Variants in CCDC12 observed in about 807,000 individuals in gnomAD.
CCDC12 encodes the protein coiled-coil domain containing 12.
A neutral mutation model predicts 25.7 loss-of-function variants in CCDC12; 28 were observed. That is an observed-to-expected ratio of 1.09 (90% CI 0.81 to 1.50). The LOEUF (loss-of-function observed/expected upper bound fraction) is 1.50. Among genes scored for constraint, CCDC12 ranks in the 40% most tolerant of loss-of-function variants. The pLI, the probability that CCDC12 is intolerant of heterozygous loss-of-function variation, is 0.00. For missense variants in CCDC12, 198 were observed against 210.0 expected, an observed-to-expected ratio of 0.94 and a Z score of 0.35; for synonymous variants, 75 against 87.7, an observed-to-expected ratio of 0.86 and a Z score of 0.81.
intron 1 of CCDC12, among the ~76,000 whole-genome samples, chr3:46,963,615 C>T (rs1431279522): frequency 6.6e-6 from 1 of 152,274 alleles, no homozygotes; most frequent in Admixed American, 6.5e-5. Context: ...GCCGCCACAC[C>T]TGACTGGTTT....
At chr3:46,941,272 A>C (rs4682843) in intron 1 of CCDC12, among the ~76,000 whole-genome samples, 2 of 152,158 alleles carry the variant, frequency 1.3e-5, no homozygotes, top group African/African-American at 4.8e-5. Flanking sequence ...TTAAAAATCC[A>C]TAACTCTTGG....
intron 1 of CCDC12, among the ~76,000 whole-genome samples, chr3:46,964,350 G>A (rs1404235567): frequency 9.5e-5 from 14 of 147,176 alleles, no homozygotes; most frequent in African/African-American, 2.5e-4. Context: ...GCCCCCGCCC[G>A]GCCAGCCGCC....
At chr3:46,963,700 C>T (rs371295081) in intron 1 of CCDC12, among the ~76,000 whole-genome samples, 213 of 145,434 alleles carry the variant, frequency 1.5e-3, no homozygotes, top group African/African-American at 5.1e-3. Context: ...GCGAGTGATC[C>T]GCCAGCCTCG....
At chr3:46,949,364 G>A (rs1227565868) in intron 1 of CCDC12, among the ~76,000 whole-genome samples, 1 of 152,118 alleles carries the variant, frequency 6.6e-6, no homozygotes, top group African/African-American at 2.4e-5. Flanking sequence ...ACCCACACTG[G>A]CCCCAGCAGG....
chr3:46,964,711 G>C (rs2034588320), intron 1 of CCDC12, among the ~76,000 whole-genome samples: 1 of 152,034 alleles, frequency 6.6e-6, no homozygotes. Flanking sequence ...ATGGATTAAG[G>C]GCGGTGCAAG....
intron 1 of CCDC12, among the ~76,000 whole-genome samples, chr3:46,970,818 T>G: frequency 9.0e-6 from 1 of 111,404 alleles, no homozygotes; most frequent in East Asian, 2.8e-4. Context: ...CGGACAGCAC[T>G]GTAAAGAGAT....
chr3:46,966,995 G>A (rs1291979767), intron 1 of CCDC12, among the ~76,000 whole-genome samples: 1 of 152,092 alleles, frequency 6.6e-6, no homozygotes, highest in African/African-American at 2.4e-5. Context: ...TCAGGGCACA[G>A]AATGATCTCC....
chr3:46,963,486 C>T (rs1171990686), intron 1 of CCDC12, among the ~76,000 whole-genome samples: 3 of 152,306 alleles, frequency 2.0e-5, no homozygotes, highest in South Asian at 2.1e-4. Context: ...TCTCTTTCCA[C>T]GGTCTCCCTC....
upstream of CCDC12, among the ~76,000 whole-genome samples, chr3:46,977,429 T>C (rs2035030497): frequency 7.0e-6 from 1 of 143,284 alleles, no homozygotes; most frequent in Non-Finnish European, 1.5e-5. Context: ...GCCGAGATCG[T>C]GCCACTGCAC....
intron 1 of CCDC12, among the ~76,000 whole-genome samples, chr3:46,964,760 CG>C (rs2034590325): frequency 6.6e-6 from 1 of 151,994 alleles, no homozygotes; most frequent in Admixed American, 6.6e-5. Context: ...GCAGCATGCT[CG>C]TTAAGAGTCA....
chr3:46,968,778 T>C (rs1306464610), intron 1 of CCDC12, among the ~76,000 whole-genome samples: 1 of 151,992 alleles, frequency 6.6e-6, no homozygotes, highest in Non-Finnish European at 1.5e-5. Flanking sequence ...GTGAGAGGTG[T>C]AGAGGGATAG....
chr3:46,938,545 G>GTTTTTTTTTTTTTTTTTTTTTTTTTTTTT (rs1274230265), intron 2 of CCDC12, among the ~76,000 whole-genome samples: 1 of 133,650 alleles, frequency 7.5e-6, no homozygotes. Flanking sequence ...TTTTTTTTTG[G>GTTTTTTTTTTTTTTTTTTTTTTTTTTTTT]TACAACAAAA....
chr3:46,951,798 A>AAAAAAAAATATATATATAT, intron 1 of CCDC12, among the ~76,000 whole-genome samples: 1 of 8,466 alleles, frequency 1.2e-4, no homozygotes, highest in Non-Finnish European at 2.8e-4. Flanking sequence ...AAAAAAAAAA[A>AAAAAAAAATATATATATAT]ATATATATAT....
intron 1 of CCDC12, among the ~76,000 whole-genome samples, chr3:46,945,248 C>G (rs896005284): frequency 6.6e-6 from 1 of 152,258 alleles, no homozygotes; most frequent in African/African-American, 2.4e-5. Flanking sequence ...GAAATGCTAC[C>G]AATTTAACTG....
At chr3:46,958,995 G>C (rs1424637943) in intron 1 of CCDC12, among the ~76,000 whole-genome samples, 1 of 152,218 alleles carries the variant, frequency 6.6e-6, no homozygotes, top group Non-Finnish European at 1.5e-5. Flanking sequence ...TCCTAGACTA[G>C]AAGCTATTTT....
At chr3:46,952,561 C>T (rs2034160474) in intron 1 of CCDC12, among the ~76,000 whole-genome samples, 2 of 152,096 alleles carry the variant, frequency 1.3e-5, no homozygotes, top group African/African-American at 4.8e-5. Context: ...CCAACCCTGC[C>T]CACTTCTTGG....
At chr3:46,939,389 C>A (rs1389197941) in intron 2 of CCDC12, among the ~76,000 whole-genome samples, 4 of 152,026 alleles carry the variant, frequency 2.6e-5, no homozygotes, top group African/African-American at 9.7e-5. Context: ...GAAAACACCA[C>A]CAGCAAATCA....
chr3:46,974,912 A>G (rs2034918452), intron 1 of CCDC12, among the ~76,000 whole-genome samples: 1 of 152,194 alleles, frequency 6.6e-6, no homozygotes, highest in African/African-American at 2.4e-5. Context: ...ATGTGTACGG[A>G]CTGTCATTCC....
In CCDC12 at chr3:46,976,641, C is replaced by A; in HGVS notation, c.92G>T (p.Arg31Leu). ...RLKALREKTG[R>L]KDKEDGEPKT... ...CCCTCACTCCACACTTCTCACCTTG[C>A]GCCCGGTTTTCTCCCGTAGGGCCTT... Residue 31 changes from arginine to leucine, a missense_variant, in exon 1 of 7, where the codon CGC becomes CTC. Physicochemically the swap from Arg to Leu is moderately radical, Grantham distance 102. Coordinates refer to ENST00000683445, the MANE Select transcript of CCDC12 (RefSeq NM_001277074.2). 4.3e-6 allele frequency: 7 copies of A among 1,610,538 alleles called. No individual in the cohort carries two copies. The highest frequency in any genetic ancestry group is 5.9e-6 in the Non-Finnish European group (7 of 1,178,408).
Sources: gnomAD v4.1 joint callset for allele counts (sites outside exome capture counted in the v4.1 genomes callset) on GRCh38, gnomAD v4.1.1 for gene constraint, MANE v1.5 for transcripts, NCBI Gene and HGNC (gene_info 2026-07-23, HGNC 2026-07-21) for gene names.